The following EYA1 variants were observed in gnomAD, a reference collection of about 807,000 sequenced individuals.
The protein encoded by EYA1 is EYA transcriptional coactivator and phosphatase 1, also known as protein phosphatase EYA1.
A neutral mutation model predicts 82.0 loss-of-function variants in EYA1; 16 were observed. The observed-to-expected ratio is 0.20, with a 90% CI of 0.13 to 0.30. The LOEUF (loss-of-function observed/expected upper bound fraction) is 0.30, where lower values mean the gene tolerates loss of function less well. Ranked by LOEUF, EYA1 falls within the 10% of genes least tolerant of loss-of-function variation. The pLI is 1.00. For synonymous variants in EYA1, 261 were observed against 264.4 expected, an observed-to-expected ratio of 0.99 and a Z score of 0.12; for missense variants, 633 against 730.7, an observed-to-expected ratio of 0.87 and a Z score of 1.54.
intron 2 of EYA1, among the ~76,000 whole-genome samples, chr8:71,399,355 A>G (rs891282449): frequency 6.6e-6 from 1 of 152,208 alleles, no homozygotes; most frequent in Non-Finnish European, 1.5e-5. Flanking sequence ...CGTCTTCTGC[A>G]TCACTCACGC....
chr8:71,459,141 C>A (rs138612558), intron 2 of EYA1, among the ~76,000 whole-genome samples: 2 of 152,276 alleles, frequency 1.3e-5, no homozygotes, highest in East Asian at 1.9e-4. Flanking sequence ...TCTGACATAA[C>A]CTTGGACTTC....
intron 9 of EYA1, among the ~76,000 whole-genome samples, chr8:71,298,297 T>C (rs1256616136): frequency 6.6e-6 from 1 of 152,184 alleles, no homozygotes; most frequent in Non-Finnish European, 1.5e-5. Flanking sequence ...GGATAATAGC[T>C]TATTTTGTAA....
chr8:71,362,146 C>T, upstream of EYA1: 1 of 538,302 alleles, frequency 1.9e-6, no homozygotes, highest in Non-Finnish European at 2.3e-6. Flanking sequence ...CATGGAGCCT[C>T]GGGGCTTTCT....
At chr8:71,202,663 A>ATCTT (rs958192898) in intron 17 of EYA1, among the ~76,000 whole-genome samples, 11 of 152,176 alleles carry the variant, frequency 7.2e-5, no homozygotes, top group African/African-American at 2.7e-4. Context: ...AACTTTGCAA[A>ATCTT]TCTTAGGTGT....
At chr8:71,430,519 T>C (rs1805539073) in intron 2 of EYA1, among the ~76,000 whole-genome samples, 1 of 151,970 alleles carries the variant, frequency 6.6e-6, no homozygotes, top group African/African-American at 2.4e-5. Context: ...GAGCTAAGAG[T>C]AAGTTGGAAG....
At chr8:71,393,057 C>T (rs1168985559) in intron 2 of EYA1, among the ~76,000 whole-genome samples, 2 of 152,052 alleles carry the variant, frequency 1.3e-5, no homozygotes, top group African/African-American at 4.8e-5. Context: ...TGAACACATA[C>T]AAAAATGCCT....
chr8:71,221,153 G>A (rs1354835912), intron 12 of EYA1, among the ~76,000 whole-genome samples: 2 of 152,180 alleles, frequency 1.3e-5, no homozygotes, highest in Admixed American at 6.5e-5. Context: ...CTGGTCCACC[G>A]CTTGTCCTTG....
chr8:71,393,519 C>T (rs1829401052), intron 2 of EYA1, among the ~76,000 whole-genome samples: 3 of 152,130 alleles, frequency 2.0e-5, no homozygotes. Flanking sequence ...TTGTTCAATT[C>T]CCACCTATGA....
intron 12 of EYA1, among the ~76,000 whole-genome samples, chr8:71,225,902 A>G (rs1375107382): frequency 6.6e-6 from 1 of 152,230 alleles, no homozygotes; most frequent in East Asian, 1.9e-4. Context: ...AATTATGTTT[A>G]TATTAGCTAG....
chr8:71,215,493 A>G lies in EYA1; in HGVS notation c.1491T>C (p.Asn497=). The G allele has an allele frequency of 6.2e-7, 1 of 1,613,916 alleles. No homozygotes were observed. The highest frequency in any genetic ancestry group is 2.2e-5 in the East Asian group (1 of 44,882). ...SLIHSRTNCV[N]ILVTTTQLIP... ...TGAGCTGAGTAGTTGTTACTAAAATATTCACACAGTTTGTCCTATGAGAAC... is the reference window on the plus strand; with the variant it reads ...TGAGCTGAGTAGTTGTTACTAAAATGTTCACACAGTTTGTCCTATGAGAAC... The change falls in exon 16 of 18, where the codon AAT becomes AAC. Residue 497 remains asparagine (N), a synonymous_variant. Coordinates refer to ENST00000340726, the MANE Select transcript of EYA1 (RefSeq NM_000503.6).
At chr8:71,437,115 T>C (rs1189875792) in intron 2 of EYA1, among the ~76,000 whole-genome samples, 1 of 149,754 alleles carries the variant, frequency 6.7e-6, no homozygotes, top group Non-Finnish European at 1.5e-5. Flanking sequence ...CTTTTATAGA[T>C]ATACATAGTT....
intron 3 of EYA1, among the ~76,000 whole-genome samples, chr8:71,342,868 T>C (rs1377065208): frequency 1.3e-5 from 2 of 152,178 alleles, no homozygotes; most frequent in African/African-American, 2.4e-5. Flanking sequence ...AAGTCTTATC[T>C]GCCTTAACCA....
At chr8:71,464,146 C>G (rs1392350341) in intron 2 of EYA1, among the ~76,000 whole-genome samples, 10 of 152,168 alleles carry the variant, frequency 6.6e-5, no homozygotes. Flanking sequence ...AGGCGCTGCT[C>G]TCCCCGAGGA....
chr8:71,288,773 C>T (rs1385171281), intron 9 of EYA1, among the ~76,000 whole-genome samples: 1 of 152,134 alleles, frequency 6.6e-6, no homozygotes, highest in African/African-American at 2.4e-5. Flanking sequence ...AGGTGAAATA[C>T]TGCACAAATA....
chr8:71,354,883 C>T lies in EYA1; in HGVS notation c.23G>A (p.Ser8Asn), dbSNP rs1393157586. 3.7e-6 allele frequency: 6 copies of T among 1,613,440 alleles called. No homozygotes were observed. In the African/African-American group the frequency reaches 5.3e-5, roughly 14 times the overall value. Reference sequence around the variant, plus strand: ...ACTACCACTCAGACGGCTATGCGGGCTGGTTAGATCCTGCATTTCCATAGA... The same window carrying T: ...ACTACCACTCAGACGGCTATGCGGGTTGGTTAGATCCTGCATTTCCATAGA... MEMQDLTSPHSRLSGSSE... is the reference protein window; with the variant it reads MEMQDLTNPHSRLSGSSE... Residue 8 changes from serine to asparagine, a missense_variant, in exon 3 of 18, where the codon AGC (serine) becomes AAC (asparagine). Coordinates refer to ENST00000340726, the MANE Select transcript of EYA1 (RefSeq NM_000503.6).
intron 2 of EYA1, among the ~76,000 whole-genome samples, chr8:71,429,389 A>C (rs1805467503): frequency 6.6e-6 from 1 of 152,186 alleles, no homozygotes; most frequent in Non-Finnish European, 1.5e-5. Context: ...ATTTTTAAGA[A>C]TGTTGCTAAA....
chr8:71,224,442 T>TC (rs1407490240), intron 12 of EYA1, among the ~76,000 whole-genome samples: 2 of 152,220 alleles, frequency 1.3e-5, no homozygotes, highest in African/African-American at 4.8e-5. Flanking sequence ...GAGGAAGTGA[T>TC]CATTGGGTTC....
intron 7 of EYA1, among the ~76,000 whole-genome samples, chr8:71,301,710 A>G (rs1820215687): frequency 6.6e-6 from 1 of 152,188 alleles, no homozygotes; most frequent in Non-Finnish European, 1.5e-5. Flanking sequence ...TCAGATAGGC[A>G]GAGAGCTCTC....
At chr8:71,288,115 G>T (rs1818588446) in intron 9 of EYA1, among the ~76,000 whole-genome samples, 1 of 152,172 alleles carries the variant, frequency 6.6e-6, no homozygotes, top group Non-Finnish European at 1.5e-5. Flanking sequence ...GACATTCTCA[G>T]ATGGGGTGTT....
Sources: allele counts gnomAD v4.1 joint callset (sites outside exome capture counted in the v4.1 genomes callset), GRCh38; gene constraint gnomAD v4.1.1; transcripts MANE v1.5; gene names NCBI Gene and HGNC (gene_info 2026-07-23, HGNC 2026-07-21).